Variants in DGKG observed in about 807,000 individuals in gnomAD.
DGKG encodes DAG kinase gamma.
DGKG carries 78 observed loss-of-function variants against 105.3 expected under a neutral mutation model. That is an observed-to-expected ratio of 0.74 (90% confidence interval 0.62 to 0.89). The LOEUF is 0.89. Ranked by LOEUF, DGKG falls within the 40% of genes least tolerant of loss-of-function variation. The pLI, the probability that DGKG is intolerant of heterozygous loss-of-function variation, is 0.00. For missense variants in DGKG, 958 were observed against 1,020.1 expected, an observed-to-expected ratio of 0.94 and a Z score of 0.83; for synonymous variants, 346 against 367.1, an observed-to-expected ratio of 0.94 and a Z score of 0.66.
At chr3:186,155,586 A>G (rs765395842) in intron 24 of DGKG, among the ~76,000 whole-genome samples, 3 of 152,244 alleles carry the variant, frequency 2.0e-5, no homozygotes, top group Non-Finnish European at 2.9e-5. Context: ...ACATTCTTAT[A>G]TATCAATCTC....
At chr3:186,240,259 T>G (rs1222493794) in intron 20 of DGKG, among the ~76,000 whole-genome samples, 1 of 152,218 alleles carries the variant, frequency 6.6e-6, no homozygotes, top group Admixed American at 6.5e-5. Context: ...ATGCCACGTT[T>G]CGTGTCCTTG....
chr3:186,216,709 C>G (rs1253416515), intron 20 of DGKG, among the ~76,000 whole-genome samples: 2 of 152,176 alleles, frequency 1.3e-5, no homozygotes, highest in Non-Finnish European at 2.9e-5. Flanking sequence ...CTGGGAGATG[C>G]AGCCCCCACT....
At position 186,251,910 on chromosome 3, in the gene DGKG, C is replaced by G. The variant is rs1252154387; in HGVS notation, c.1610G>C (p.Gly537Ala). ...TTTCAGGATTTTTGTCAAGCTGCCCCCTTCATAACCTGTGGAGGACAGCAC... is the reference window on the plus strand; with the variant it reads ...TTTCAGGATTTTTGTCAAGCTGCCCGCTTCATAACCTGTGGAGGACAGCAC... ...RCLRWGGGYEGGSLTKILKDI... is the reference protein window; with the variant it reads ...RCLRWGGGYEAGSLTKILKDI... The change falls in exon 19 of 25, where the codon GGG becomes GCG. Residue 537 changes from glycine (G) to alanine (A), a missense_variant. Around this residue, in one of 2 missense-constraint regions of DGKG, gnomAD observed 315 missense variants for 400.6 expected, o/e 0.79. Coordinates refer to ENST00000265022, the MANE Select transcript of DGKG (RefSeq NM_001346.3). 11 of 1,578,460 alleles carry G rather than the reference C, an allele frequency of 7.0e-6. No homozygotes were observed. The highest frequency in any genetic ancestry group is 9.5e-6 in the Non-Finnish European group (11 of 1,160,782).
intron 2 of DGKG, among the ~76,000 whole-genome samples, chr3:186,318,475 C>G (rs945602247): frequency 1.3e-5 from 2 of 152,308 alleles, no homozygotes; most frequent in African/African-American, 4.8e-5. Context: ...CAACCGTGCC[C>G]TAAACCTCAA....
Position 186,149,202 on chromosome 3 carries a change from C to T in DGKG, c.*888G>A, listed in dbSNP as rs1043134278. 3.1e-5 allele frequency: 31 copies of T among 984,348 alleles called. No homozygotes were observed. Among genetic ancestry groups the T allele is most frequent in the Middle Eastern group, 5.2e-4 (1 of 1,932 alleles). 61.0% of individuals were successfully genotyped at this position (984,348 alleles called of 1,614,324 possible). ...GGGCTTGGAACTCAAACAGGAAACA[C>T]GCTTTGGCTTGAAAAAGAAAGAAGC... On this transcript the variant is annotated 3_prime_UTR_variant, in exon 25 of 25. Transcript: ENST00000265022.
intron 2 of DGKG, among the ~76,000 whole-genome samples, chr3:186,307,712 G>C (rs901218990): frequency 1.3e-5 from 2 of 152,156 alleles, no homozygotes; most frequent in African/African-American, 4.8e-5. Flanking sequence ...ACAATATGTA[G>C]ATGAGTATAT....
chr3:186,172,213 G>T (rs1716858130), intron 22 of DGKG, among the ~76,000 whole-genome samples: 1 of 152,174 alleles, frequency 6.6e-6, no homozygotes, highest in Admixed American at 6.5e-5. Flanking sequence ...ATCTCTGGGT[G>T]TCCTGATTTG....
intron 22 of DGKG, among the ~76,000 whole-genome samples, chr3:186,185,913 A>G (rs1171668173): frequency 6.6e-6 from 1 of 151,808 alleles, no homozygotes; most frequent in African/African-American, 2.4e-5. Context: ...CCTGGTCAAC[A>G]TGGAGAAACC....
chr3:186,310,081 A>G (rs1317330536), intron 2 of DGKG, among the ~76,000 whole-genome samples: 6 of 150,986 alleles, frequency 4.0e-5, no homozygotes. Flanking sequence ...AGCCTGGCTA[A>G]CATGGTGAAA....
intron 17 of DGKG, 112 bp downstream of exon 17, chr3:186,257,742 T>C (rs1052697374): frequency 1.3e-6 from 1 of 779,766 alleles, no homozygotes; most frequent in East Asian, 2.5e-5. Context: ...CAGGGGAAGA[T>C]ACAAGGATGA....
intron 21 of DGKG, among the ~76,000 whole-genome samples, chr3:186,206,138 C>T (rs1002547668): frequency 8.5e-5 from 13 of 152,296 alleles, no homozygotes; most frequent in Admixed American, 5.9e-4. Flanking sequence ...GTAATCCCAG[C>T]ACTTTGGGAC....
At chr3:186,352,503 C>T (rs1241802527) in intron 1 of DGKG, among the ~76,000 whole-genome samples, 27 of 152,190 alleles carry the variant, frequency 1.8e-4, no homozygotes, top group Admixed American at 1.8e-3. Flanking sequence ...TATCCAATTA[C>T]ATCTCCATCT....
chr3:186,350,514 A>G (rs539824939), intron 1 of DGKG, among the ~76,000 whole-genome samples: 41 of 152,290 alleles, frequency 2.7e-4, no homozygotes, highest in African/African-American at 8.9e-4. Context: ...GGTTGCTTTT[A>G]TCTCTTAGCT....
At chr3:186,261,578 GGTGGCA>G (rs1384989213) in intron 15 of DGKG, 115 bp downstream of exon 15, 1 of 734,460 alleles carries the variant, frequency 1.4e-6, no homozygotes, top group Admixed American at 2.1e-5. Flanking sequence ...TAAAGTGGCA[GGTGGCA>G]GTGCTGGGAT....
chr3:186,278,158 C>T (rs1722669400), intron 9 of DGKG, among the ~76,000 whole-genome samples: 2 of 151,790 alleles, frequency 1.3e-5, no homozygotes, highest in African/African-American at 4.8e-5. Flanking sequence ...CTTTTCCATG[C>T]AAAGAGTTGG....
intron 1 of DGKG, among the ~76,000 whole-genome samples, chr3:186,323,006 G>C (rs575618581): frequency 6.6e-6 from 1 of 152,272 alleles, no homozygotes; most frequent in South Asian, 2.1e-4. Flanking sequence ...CATTAACTCA[G>C]ACCTTCCTTA....
chr3:186,197,664 G>A (rs1718249898), intron 21 of DGKG, among the ~76,000 whole-genome samples: 1 of 152,150 alleles, frequency 6.6e-6, no homozygotes, highest in African/African-American at 2.4e-5. Context: ...GATGCCGTAG[G>A]GTCTCATTTG....
chr3:186,161,017 C>T, intron 24 of DGKG: 2 of 985,964 alleles, frequency 2.0e-6, no homozygotes, highest in Non-Finnish European at 2.4e-6. Context: ...GGTGACAGTG[C>T]CATAAACAAA....
chr3:186,158,844 G>A, intron 24 of DGKG: 1 of 938,960 alleles, frequency 1.1e-6, no homozygotes, highest in Non-Finnish European at 1.3e-6. Context: ...ATAATTGAAT[G>A]TACTTTTTAT....
Sources: gnomAD v4.1 joint callset for allele counts (sites outside exome capture counted in the v4.1 genomes callset) on GRCh38, gnomAD v4.1.1 for gene constraint, gnomAD v4.1.1 regional missense constraint, MANE v1.5 for transcripts, NCBI Gene and HGNC (gene_info 2026-07-23, HGNC 2026-07-21) for gene names.